The following MED6 variants were observed in gnomAD, a reference collection of about 807,000 sequenced individuals.
The protein encoded by MED6 is mediator of RNA polymerase II transcription subunit 6.
MED6 carries 33 observed loss-of-function variants against 37.5 expected under a neutral mutation model. The ratio of observed to expected loss-of-function variants is 0.88; its 90% CI spans 0.67 to 1.18. MED6 has a LOEUF of 1.18. MED6 is among the 50% of genes most tolerant of loss of function. MED6 has a pLI of 0.00. For missense variants in MED6, 235 were observed against 290.6 expected (o/e 0.81, Z 1.39); for synonymous variants, 94 against 93.6 (o/e 1.00, Z -0.02).
intron 5 of MED6, chr14:70,592,498 T>TTTC (rs1884908209): frequency 7.3e-6 from 1 of 137,446 alleles, no homozygotes; most frequent in African/African-American, 2.9e-5. Flanking sequence ...TTTTTTTTTT[T>TTTC]TTTTTTTTTT....
chr14:70,588,029 T>C (rs1185644958), intron 6 of MED6, among the ~76,000 whole-genome samples: 1 of 152,242 alleles, frequency 6.6e-6, no homozygotes, highest in African/African-American at 2.4e-5. Context: ...GAATACCTGC[T>C]GTATCCTTAT....
chr14:70,588,144 T>G (rs889049283), intron 6 of MED6, among the ~76,000 whole-genome samples: 3 of 152,212 alleles, frequency 2.0e-5, no homozygotes, highest in African/African-American at 7.2e-5. Context: ...TCTCTAGATC[T>G]GAGGCTGGAA....
intron 7 of MED6, 115 bp downstream of exon 7, chr14:70,585,641 C>A (rs998585619): frequency 1.3e-5 from 11 of 822,086 alleles, no homozygotes; most frequent in African/African-American, 3.6e-5. Context: ...GAGACCCAGC[C>A]CCAGCTCTAG....
intron 6 of MED6, among the ~76,000 whole-genome samples, chr14:70,590,081 G>A (rs1884824755): frequency 6.6e-6 from 1 of 151,948 alleles, no homozygotes; most frequent in South Asian, 2.1e-4. Context: ...TTTCATACAA[G>A]TCTGAAATCC....
intron 6 of MED6, among the ~76,000 whole-genome samples, chr14:70,590,529 T>C (rs1466128934): frequency 1.3e-5 from 2 of 152,198 alleles, no homozygotes; most frequent in East Asian, 3.8e-4. Flanking sequence ...AAAAATGTCA[T>C]TTAGTTTAAA....
chr14:70,598,887 A>G (rs1209018996), intron 1 of MED6, among the ~76,000 whole-genome samples: 1 of 152,232 alleles, frequency 6.6e-6, no homozygotes, highest in African/African-American at 2.4e-5. Flanking sequence ...TGAGATGATA[A>G]TGATGTAAAA....
chr14:70,595,820 A>G (rs1390930663), intron 3 of MED6: 5 of 697,226 alleles, frequency 7.2e-6, no homozygotes, highest in Admixed American at 3.7e-5. Context: ...CAAAATTCTG[A>G]GACATTAAGC....
intron 7 of MED6, among the ~76,000 whole-genome samples, 185 bp from the exon 8 acceptor site, chr14:70,585,128 C>T (rs914423376): frequency 6.6e-6 from 1 of 152,108 alleles, no homozygotes; most frequent in African/African-American, 2.4e-5. Flanking sequence ...CCTGAAAACT[C>T]AAGGAAATTA....
chr14:70,586,972 G>A (rs1884727015), intron 6 of MED6, among the ~76,000 whole-genome samples: 1 of 152,192 alleles, frequency 6.6e-6, no homozygotes, highest in African/African-American at 2.4e-5. Context: ...GTGGCTCACT[G>A]TGCCTAGACT....
chr14:70,596,512 C>T (rs1885051181), intron 3 of MED6, 99 bp downstream of exon 3: 1 of 854,192 alleles, frequency 1.2e-6, no homozygotes, highest in Non-Finnish European at 1.8e-6. Context: ...CTTGGAGACC[C>T]CCCAAACAGA....
At chr14:70,586,771 G>GC in intron 6 of MED6, among the ~76,000 whole-genome samples, 1 of 152,100 alleles carries the variant, frequency 6.6e-6, no homozygotes. Flanking sequence ...TACTCCAACT[G>GC]CAAGTCCTGG....
At chr14:70,589,804 G>A (rs1311023741) in intron 6 of MED6, among the ~76,000 whole-genome samples, 1 of 152,064 alleles carries the variant, frequency 6.6e-6, no homozygotes, top group Non-Finnish European at 1.5e-5. Flanking sequence ...CACAAACACA[G>A]AGTAAACCTT....
intron 1 of MED6, 21 bp from the exon 2 acceptor site, chr14:70,597,798 TG>T: frequency 6.6e-7 from 1 of 1,526,038 alleles, no homozygotes; most frequent in East Asian, 2.5e-5. Flanking sequence ...GAAAACAAAA[TG>T]ATAAAGGATT....
chr14:70,587,843 A>C (rs1884755152), intron 6 of MED6, among the ~76,000 whole-genome samples: 2 of 152,204 alleles, frequency 1.3e-5, no homozygotes, highest in South Asian at 4.1e-4. Context: ...CCAAGGACTG[A>C]AACTCTCATC....
At chr14:70,594,658 C>T (rs1036290072) in intron 3 of MED6, 14 of 449,768 alleles carry the variant, frequency 3.1e-5, no homozygotes, top group African/African-American at 2.8e-4. Flanking sequence ...AGCGTCTATA[C>T]AGGCACCGGA....
At chr14:70,599,037 C>T (rs1415683237) in intron 1 of MED6, among the ~76,000 whole-genome samples, 1 of 152,190 alleles carries the variant, frequency 6.6e-6, no homozygotes, top group African/African-American at 2.4e-5. Context: ...TGGCTATTGG[C>T]TTTCATGATG....
chr14:70,596,649 A>T lies in MED6; in HGVS notation c.236T>A (p.Phe79Tyr). The change falls in exon 3 of 8, where the codon TTC becomes TAC. Residue 79 changes from phenylalanine (F) to tyrosine (Y), a missense_variant. Transcript: ENST00000256379. ...ILLHAQEPIL[F>Y]IIRKQQRQSP... ...CTGCCGCTGTTGCTTCCGAATGATG[A>T]AAAGAATGGGCTCTTGAGCATGCAA... The T allele has an allele frequency of 6.2e-7, 1 of 1,613,990 alleles. No individual in the cohort carries two copies. The highest frequency in any genetic ancestry group is 8.5e-7 in the Non-Finnish European group (1 of 1,179,884).
rs2139583704 is a variant in MED6 at position 70,584,004 on chromosome 14, A to G, written c.*809T>C. On this transcript the variant is annotated 3_prime_UTR_variant, in exon 8 of 8. Transcript: ENST00000256379. ...GAAAAAAGAAGTATCTACACACAGA[A>G]TAAGATTAAAATTCACAACACTGTT... The G allele has an allele frequency of 2.2e-6, 1 of 464,286 alleles. No individual in the cohort carries two copies. Among genetic ancestry groups the G allele is most frequent in the South Asian group, 5.2e-5 (1 of 19,352 alleles). The allele number at this position is 464,286 out of a possible 1,614,324, so 28.8% of individuals were successfully genotyped here. A position where few individuals can be genotyped will look rare whatever the true frequency, so the allele number is the denominator to read the frequency against.
intron 6 of MED6, among the ~76,000 whole-genome samples, chr14:70,588,671 G>A (rs1371834213): frequency 5.4e-5 from 8 of 148,030 alleles, no homozygotes; most frequent in South Asian, 2.1e-4. Flanking sequence ...GGGCGACAGA[G>A]TGAGACTCCG....
Sources: gnomAD v4.1 joint callset for allele counts (sites outside exome capture counted in the v4.1 genomes callset) on GRCh38, gnomAD v4.1.1 for gene constraint, MANE v1.5 for transcripts, NCBI Gene and HGNC (gene_info 2026-07-23, HGNC 2026-07-21) for gene names.